IMPA1: variants seen among roughly 807,000 people sequenced by gnomAD.
IMPA1 encodes D-galactose 1-phosphate phosphatase.
In IMPA1, 21 loss-of-function variants were observed where a neutral mutation model predicts 34.9. The observed-to-expected ratio is 0.60, with a 90% confidence interval of 0.43 to 0.87. The LOEUF (loss-of-function observed/expected upper bound fraction) is 0.87, where lower values mean the gene tolerates loss of function less well. IMPA1 is among the 40% of genes least tolerant of loss of function. The pLI, the probability that IMPA1 is intolerant of heterozygous loss-of-function variation, is 0.00. For missense variants in IMPA1, 299 were observed against 336.4 expected, an observed-to-expected ratio of 0.89 and a Z score of 0.87; for synonymous variants, 95 against 104.4, an observed-to-expected ratio of 0.91 and a Z score of 0.55.
chr8:81,686,002 C>T (rs1428680695), intron 1 of IMPA1: 2 of 1,414,436 alleles, frequency 1.4e-6, no homozygotes, highest in Non-Finnish European at 1.9e-6. Flanking sequence ...GCAATTATTC[C>T]ACAGAAGCCG....
At chr8:81,680,533 GACTGTA>G in intron 3 of IMPA1, 111 bp downstream of exon 3, 1 of 737,706 alleles carries the variant, frequency 1.4e-6, no homozygotes, top group Admixed American at 2.9e-5. Flanking sequence ...CCAACACTTT[GACTGTA>G]ACTTCATGGA....
chr8:81,679,197 T>C lies in IMPA1; in HGVS notation c.231A>G (p.Glu77=), dbSNP rs973159243. The C allele has an allele frequency of 1.2e-6, 2 of 1,614,016 alleles. No individual in the cohort carries two copies. Among genetic ancestry groups the C allele is most frequent in the Non-Finnish European group, 1.7e-6 (2 of 1,179,892 alleles). The change falls in exon 4 of 9, where the codon GAA becomes GAG. Residue 77 remains glutamate, a synonymous_variant. Transcript: ENST00000256108. The part of the protein sequence containing the change: ...FIGEESVAAG[E]KSILTDNPTW... ...TGGGGTTGTCGGTTAAGATACTTTT[T>C]TCCCCAGCTGCCACAGATTCTTCAC...
intron 5 of IMPA1, chr8:81,674,403 A>G (rs1470721728): frequency 5.6e-6 from 1 of 178,280 alleles, no homozygotes; most frequent in African/African-American, 2.4e-5. Context: ...ACTGCCAATG[A>G]GTAACTTTGC....
intron 6 of IMPA1, among the ~76,000 whole-genome samples, chr8:81,672,131 G>A (rs1320492016): frequency 6.6e-6 from 1 of 152,096 alleles, no homozygotes; most frequent in Non-Finnish European, 1.5e-5. Flanking sequence ...GTGTTTGAGG[G>A]AAAAAGGTAT....
At chr8:81,670,719 GACA>G (rs1563584610) in intron 7 of IMPA1, among the ~76,000 whole-genome samples, 2 of 152,150 alleles carry the variant, frequency 1.3e-5, no homozygotes, top group African/African-American at 4.8e-5. Flanking sequence ...TGCTATAAAG[GACA>G]TTAGCAGATT....
chr8:81,679,012 A>T (rs1339407904), intron 4 of IMPA1, 114 bp downstream of exon 4: 8 of 636,152 alleles, frequency 1.3e-5, no homozygotes, highest in Non-Finnish European at 5.5e-6. Context: ...TAGAATAAAG[A>T]AGCATAAACG....
chr8:81,659,551 C>A, intron 8 of IMPA1, 85 bp from the exon 9 acceptor site: 1 of 726,906 alleles, frequency 1.4e-6, no homozygotes, highest in South Asian at 1.6e-5. Context: ...GTACTATGGT[C>A]ACATAACATT....
At chr8:81,685,223 A>C (rs1293510998) in intron 1 of IMPA1, among the ~76,000 whole-genome samples, 1 of 130,516 alleles carries the variant, frequency 7.7e-6, no homozygotes, top group South Asian at 2.4e-4. Context: ...TATACTATAC[A>C]TAAGTATATT....
chr8:81,673,331 A>T (rs1446995169), intron 6 of IMPA1, among the ~76,000 whole-genome samples: 1 of 152,260 alleles, frequency 6.6e-6, no homozygotes, highest in Non-Finnish European at 1.5e-5. Flanking sequence ...GACTTAAAAG[A>T]ATATAATCAT....
In IMPA1 at chr8:81,686,302, G is replaced by A. The variant is rs1807525731; in HGVS notation, c.-75C>T. ...CTCTGTGAACGGTGTTACCGCACTC[G>A]TCTCTTCCGGAGGTAGAGGGGCTAC... On this transcript the variant is annotated 5_prime_UTR_variant, in exon 1 of 9. The change creates a new upstream start codon in the 5' untranslated region. Transcript: ENST00000256108. 3 of 988,832 alleles carry A rather than the reference G, an allele frequency of 3.0e-6. No individual in the cohort carries two copies. Among genetic ancestry groups the A allele is most frequent in the Non-Finnish European group, 3.6e-6 (3 of 832,048 alleles). The allele number at this position is 988,832 out of a possible 1,614,324, so 61.3% of individuals were successfully genotyped here. A position where few individuals can be genotyped will look rare whatever the true frequency, so the allele number is the denominator to read the frequency against.
chr8:81,660,750 CG>C, intron 7 of IMPA1, 83 bp from the exon 8 acceptor site: 1 of 1,120,062 alleles, frequency 8.9e-7, no homozygotes, highest in Non-Finnish European at 1.3e-6. Flanking sequence ...CTTTAAGTGT[CG>C]ATTGAAGAAA....
In IMPA1 at chr8:81,680,635, A is replaced by G. The variant is rs77767618; in HGVS notation, c.197+15T>C. ...GAGATAATAAACATTTCTTGTACACAGTAAATAAAAATACCTGTGAGATGG... is the reference window on the plus strand; with the variant it reads ...GAGATAATAAACATTTCTTGTACACGGTAAATAAAAATACCTGTGAGATGG... On this transcript the variant is annotated intron_variant, in intron 3 of 8. Transcript: ENST00000256108. The G allele has an allele frequency of 2.7e-5, 43 of 1,582,002 alleles. No homozygotes were observed. The East Asian group carries it at 8.7e-4, about 32-fold the overall frequency.
intron 5 of IMPA1, among the ~76,000 whole-genome samples, chr8:81,675,013 T>G (rs1807091902): frequency 6.6e-6 from 1 of 152,198 alleles, no homozygotes; most frequent in African/African-American, 2.4e-5. Context: ...ATTGCTAGAA[T>G]TATCTGTCAC....
In IMPA1 at chr8:81,673,936, A is replaced by T; in HGVS notation, c.362T>A (p.Val121Asp). Residue 121 changes from valine (V) to aspartate (D), a missense_variant, in exon 6 of 9, where the codon GTT (valine) becomes GAT (aspartate). Transcript: ENST00000256108. Reference sequence around the variant, plus strand: ...CTTGCCTTCCACACAACTGTACACAACTCCAAATTCTATCTGCAGAGGAAA... The same window carrying T: ...CTTGCCTTCCACACAACTGTACACATCTCCAAATTCTATCTGCAGAGGAAA... ...FAVNKKIEFG[V>D]VYSCVEGKMY... 6.2e-7 allele frequency: 1 copy of T among 1,609,254 alleles called. No individual in the cohort carries two copies. Among genetic ancestry groups the T allele is most frequent in the Non-Finnish European group, 8.5e-7 (1 of 1,176,030 alleles).
chr8:81,671,915 A>T (rs543836330), intron 6 of IMPA1, among the ~76,000 whole-genome samples: 7 of 152,190 alleles, frequency 4.6e-5, no homozygotes, highest in Non-Finnish European at 7.4e-5. Flanking sequence ...AAAAAATAAA[A>T]GTTACATAAT....
At chr8:81,684,204 T>C (rs1215977879) in intron 1 of IMPA1, among the ~76,000 whole-genome samples, 1 of 146,658 alleles carries the variant, frequency 6.8e-6, no homozygotes, top group Non-Finnish European at 1.5e-5. Context: ...TTATATACTA[T>C]ATATTTAGAT....
intron 1 of IMPA1, among the ~76,000 whole-genome samples, chr8:81,685,119 TA>T (rs1807463453): frequency 1.5e-5 from 2 of 135,576 alleles, no homozygotes; most frequent in Admixed American, 7.7e-5. Flanking sequence ...TAGTATACAT[TA>T]AGTATATTTA....
chr8:81,685,983 T>C (rs1807511757), intron 1 of IMPA1: 1 of 1,455,142 alleles, frequency 6.9e-7, no homozygotes, highest in South Asian at 1.4e-5. Context: ...GTTGGGGACA[T>C]AAAAAGGGGC....
intron 1 of IMPA1, among the ~76,000 whole-genome samples, chr8:81,684,114 TACACACACACACACATACACACATAC>T (rs766975389): frequency 0.11 from 15,588 of 139,560 alleles, 891 homozygotes; most frequent in Middle Eastern, 0.16. Flanking sequence ...TATATATATA[TACACACACACACACATACACACATAC>T]ACACACACAC....
Sources: allele counts gnomAD v4.1 joint callset (sites outside exome capture counted in the v4.1 genomes callset), GRCh38; gene constraint gnomAD v4.1.1; transcripts MANE v1.5; gene names NCBI Gene and HGNC (gene_info 2026-07-23, HGNC 2026-07-21).